The following RBM46 variants were observed in gnomAD, a reference collection of about 807,000 sequenced individuals.
The protein encoded by RBM46 is RNA binding motif protein 46.
RBM46 carries 12 observed loss-of-function variants against 43.3 expected under a neutral mutation model. The ratio of observed to expected loss-of-function variants is 0.28; its 90% CI spans 0.18 to 0.45. The LOEUF is 0.45. Among genes scored for constraint, RBM46 ranks in the 20% least tolerant of loss-of-function variants. The probability of loss-of-function intolerance (pLI) is 1.00; values close to 1 mark genes in which losing one functional copy is unlikely to be tolerated. For missense variants in RBM46, 412 were observed against 639.1 expected, an observed-to-expected ratio of 0.64 and a Z score of 3.83; for synonymous variants, 205 against 207.6, an observed-to-expected ratio of 0.99 and a Z score of 0.11.
intron 1 of RBM46, among the ~76,000 whole-genome samples, chr4:154,793,285 T>C (rs1734191534): frequency 6.6e-6 from 1 of 152,228 alleles, no homozygotes; most frequent in Non-Finnish European, 1.5e-5. Context: ...CTAGATATTT[T>C]CTAGACTGTT....
chr4:154,825,264 A>C (rs962412111), intron 4 of RBM46, among the ~76,000 whole-genome samples: 1 of 152,142 alleles, frequency 6.6e-6, no homozygotes, highest in Non-Finnish European at 1.5e-5. Flanking sequence ...TCTGAAAATT[A>C]GAATTTCTAC....
At chr4:154,807,219 A>T (rs999721039) in intron 4 of RBM46, among the ~76,000 whole-genome samples, 2 of 151,692 alleles carry the variant, frequency 1.3e-5, no homozygotes, top group African/African-American at 4.8e-5. Context: ...CCCTAAATAC[A>T]TATTTTGAAT....
intron 4 of RBM46, among the ~76,000 whole-genome samples, chr4:154,809,847 G>A (rs1447200062): frequency 6.6e-6 from 1 of 151,996 alleles, no homozygotes; most frequent in Non-Finnish European, 1.5e-5. Context: ...AAATACAAAA[G>A]GATTCAGATT....
intron 4 of RBM46, among the ~76,000 whole-genome samples, chr4:154,819,016 C>T (rs1735599054): frequency 1.3e-5 from 2 of 152,118 alleles, no homozygotes; most frequent in South Asian, 4.2e-4. Context: ...TCTAAATACC[C>T]TGTGGATCTG....
rs781273106 is a variant in RBM46, at chr4:154,827,848, G to A, written c.1403-20G>A. On this transcript the variant is annotated intron_variant, in intron 4 of 4. Transcript: ENST00000281722. Reference sequence around the variant, plus strand: ...GTCCATAAAGATGTACAGCATAATTGTTCATGTATTTATTTACAGACTACA... The same window carrying A: ...GTCCATAAAGATGTACAGCATAATTATTCATGTATTTATTTACAGACTACA... 1 of 1,612,606 alleles carries A rather than the reference G, an allele frequency of 6.2e-7. No homozygotes were observed.
chr4:154,827,942 G>T lies in RBM46; in HGVS notation c.1477G>T (p.Val493Leu), dbSNP rs143408830. ...TACCCTCTCTTCTGGGACTCCCAGCGTGCTTCCTTATACTTCAAGGCCTTA... is the reference window on the plus strand; with the variant it reads ...TACCCTCTCTTCTGGGACTCCCAGCTTGCTTCCTTATACTTCAAGGCCTTA... ...SATLSSGTPS[V>L]LPYTSRPYSY... Residue 493 changes from valine (V) to leucine (L), a missense_variant, in exon 5 of 5, where the codon GTG (valine) becomes TTG (leucine). By Grantham distance (32) the Val-to-Leu change is conservative. Coordinates refer to ENST00000281722, the MANE Select transcript of RBM46 (RefSeq NM_144979.5). 1 of 1,613,720 alleles carries T rather than the reference G, an allele frequency of 6.2e-7. No individual in the cohort carries two copies. Among genetic ancestry groups the T allele is most frequent in the Non-Finnish European group, 8.5e-7 (1 of 1,179,726 alleles).
At chr4:154,798,351 A>C in intron 3 of RBM46, 73 bp downstream of exon 3, 1 of 931,018 alleles carries the variant, frequency 1.1e-6, no homozygotes, top group Non-Finnish European at 1.6e-6. Flanking sequence ...TCAGGGATCA[A>C]TATTATCAAA....
Position 154,816,523 on chromosome 4 carries a change from A to G in RBM46, c.1403-11345A>G, listed in dbSNP as rs193114503. ...TAACTTATCTTAATTTCAGTTTCTA[A>G]TTGTTCCTGCTTTATGTGAAAACGA... On this transcript the variant is annotated intron_variant, in intron 4 of 4. Transcript: ENST00000281722. Among the ~76,000 whole-genome samples, 5 of 152,176 alleles carry G rather than the reference A, an allele frequency of 3.3e-5. No homozygotes were observed. The East Asian group carries it at 9.7e-4, about 29-fold the overall frequency.
At chr4:154,812,278 A>G (rs368336731) in intron 4 of RBM46, among the ~76,000 whole-genome samples, 7 of 152,116 alleles carry the variant, frequency 4.6e-5, no homozygotes, top group East Asian at 1.9e-4. Context: ...TCCAGAGACT[A>G]TTTTGGCTTT....
At chr4:154,811,154 A>G (rs1362788872) in intron 4 of RBM46, among the ~76,000 whole-genome samples, 1 of 152,200 alleles carries the variant, frequency 6.6e-6, no homozygotes, top group Non-Finnish European at 1.5e-5. Context: ...AGAACATACA[A>G]TTGGATGACC....
intron 4 of RBM46, among the ~76,000 whole-genome samples, chr4:154,809,048 C>T (rs1735050214): frequency 1.8e-5 from 2 of 112,408 alleles, no homozygotes; most frequent in Non-Finnish European, 3.3e-5. Context: ...TTAATATTTT[C>T]CCTATTTTAC....
chr4:154,828,153 G>T lies in RBM46; in HGVS notation c.*86G>T, dbSNP rs1271278552. 1 of 1,052,158 alleles carries T rather than the reference G, an allele frequency of 9.5e-7. No homozygotes were observed. The highest frequency in any genetic ancestry group is 2.4e-5 in the East Asian group (1 of 40,970). 65.2% of individuals were successfully genotyped at this position (1,052,158 alleles called of 1,614,324 possible). On this transcript the variant is annotated 3_prime_UTR_variant, in exon 5 of 5. Transcript: ENST00000281722. ...TAAAATATTGTTTTATTTTAGAATCGGGTTTGCATATTTGGTTTTAAAAAG... is the reference window on the plus strand; with the variant it reads ...TAAAATATTGTTTTATTTTAGAATCTGGTTTGCATATTTGGTTTTAAAAAG...
intron 1 of RBM46, among the ~76,000 whole-genome samples, chr4:154,782,573 T>C (rs1193953704): frequency 1.3e-5 from 2 of 152,116 alleles, no homozygotes; most frequent in East Asian, 3.9e-4. Context: ...AACTTCCGCC[T>C]ACCGGGTTCA....
chr4:154,810,796 G>A (rs2096414009), intron 4 of RBM46, among the ~76,000 whole-genome samples: 1 of 152,110 alleles, frequency 6.6e-6, no homozygotes, highest in African/African-American at 2.4e-5. Flanking sequence ...TAATGGCCTT[G>A]CCATTTTCAA....
chr4:154,826,849 T>C (rs1429430604), intron 4 of RBM46: 1 of 1,511,980 alleles, frequency 6.6e-7, no homozygotes, highest in Non-Finnish European at 8.8e-7. Context: ...CATGACAACA[T>C]TAAGTTAATG....
intron 4 of RBM46, among the ~76,000 whole-genome samples, chr4:154,824,567 T>G (rs1735867245): frequency 6.6e-6 from 1 of 152,094 alleles, no homozygotes; most frequent in African/African-American, 2.4e-5. Context: ...AGAAATTATA[T>G]TGAGAGATTG....
At chr4:154,783,657 G>A (rs1237238837) in intron 1 of RBM46, among the ~76,000 whole-genome samples, 1 of 152,128 alleles carries the variant, frequency 6.6e-6, no homozygotes, top group East Asian at 1.9e-4. Context: ...AATTCAAACA[G>A]CATATACACC....
At chr4:154,823,199 C>A (rs1578954534) in intron 4 of RBM46, among the ~76,000 whole-genome samples, 1 of 151,724 alleles carries the variant, frequency 6.6e-6, no homozygotes, top group African/African-American at 2.4e-5. Flanking sequence ...ACAAAAAGTC[C>A]AGAATAGGCA....
chr4:154,794,697 T>C (rs1734265999), intron 1 of RBM46, among the ~76,000 whole-genome samples: 1 of 152,210 alleles, frequency 6.6e-6, no homozygotes, highest in Non-Finnish European at 1.5e-5. Context: ...TCCATTTGTA[T>C]GGGATGTTCT....
Sources: gnomAD v4.1 joint callset for allele counts (sites outside exome capture counted in the v4.1 genomes callset) on GRCh38, gnomAD v4.1.1 for gene constraint, MANE v1.5 for transcripts, NCBI Gene and HGNC (gene_info 2026-07-23, HGNC 2026-07-21) for gene names.